The following HDAC9 variants were observed in gnomAD, a reference collection of about 807,000 sequenced individuals.
HDAC9 encodes histone deacetylase 9.
HDAC9 carries 41 observed loss-of-function variants against 139.4 expected under a neutral mutation model. That is an observed-to-expected ratio of 0.29 (90% CI 0.23 to 0.38). HDAC9 has a LOEUF of 0.38. Among genes scored for constraint, HDAC9 ranks in the 10% least tolerant of loss-of-function variants. The pLI is 1.00. For synonymous variants in HDAC9, 517 were observed against 476.2 expected (o/e 1.09, Z -1.12); for missense variants, 1,147 against 1,297.0 (o/e 0.88, Z 1.78).
chr7:18,712,810 A>C (rs1450832930), intron 12 of HDAC9, among the ~76,000 whole-genome samples: 1 of 152,236 alleles, frequency 6.6e-6, no homozygotes, highest in African/African-American at 2.4e-5. Context: ...ATGTGCATAA[A>C]TGTGCATAAT....
intron 17 of HDAC9, among the ~76,000 whole-genome samples, chr7:18,798,444 C>A (rs115050368): frequency 2.0e-5 from 3 of 152,146 alleles, no homozygotes; most frequent in Non-Finnish European, 4.4e-5. Context: ...TTTAACTCAT[C>A]GTATTTCCAT....
At chr7:18,624,300 T>C (rs1841046658) in intron 6 of HDAC9, among the ~76,000 whole-genome samples, 1 of 152,204 alleles carries the variant, frequency 6.6e-6, no homozygotes, top group Admixed American at 6.5e-5. Flanking sequence ...TCTTCAGATA[T>C]TTTCTGTTTC....
intron 2 of HDAC9, among the ~76,000 whole-genome samples, chr7:18,231,228 T>C (rs1793439379): frequency 6.6e-6 from 1 of 152,238 alleles, no homozygotes; most frequent in South Asian, 2.1e-4. Context: ...TTGTGCATTC[T>C]TCCCCAATCA....
chr7:18,673,617 C>T (rs994359126), intron 12 of HDAC9, among the ~76,000 whole-genome samples: 1 of 152,014 alleles, frequency 6.6e-6, no homozygotes, highest in African/African-American at 2.4e-5. Flanking sequence ...AAAGAATATA[C>T]ATGGTTTGCA....
intron 11 of HDAC9, among the ~76,000 whole-genome samples, chr7:18,652,625 T>A (rs1233542787): frequency 6.6e-6 from 1 of 152,106 alleles, no homozygotes; most frequent in Non-Finnish European, 1.5e-5. Flanking sequence ...TTGACAACAT[T>A]ATTCTTTATT....
intron 2 of HDAC9, among the ~76,000 whole-genome samples, chr7:18,245,134 C>T (rs777916787): frequency 7.9e-5 from 12 of 152,180 alleles, no homozygotes; most frequent in African/African-American, 2.9e-4. Context: ...GCATGTGGGG[C>T]CAATTTGATT....
chr7:18,934,267 A>G (rs554532662), intron 22 of HDAC9, among the ~76,000 whole-genome samples: 8 of 152,110 alleles, frequency 5.3e-5, no homozygotes, highest in African/African-American at 1.9e-4. Flanking sequence ...TTTGTCCCCA[A>G]CATTCTGGCA....
intron 23 of HDAC9, chr7:18,949,737 G>A (rs1231480210): frequency 6.6e-6 from 1 of 152,058 alleles, no homozygotes; most frequent in Non-Finnish European, 1.5e-5. Flanking sequence ...GAGGGCTCAT[G>A]TCCACGTCCA....
chr7:18,313,115 C>A (rs563191914), intron 1 of HDAC9, among the ~76,000 whole-genome samples: 1 of 152,030 alleles, frequency 6.6e-6, no homozygotes, highest in Non-Finnish European at 1.5e-5. Context: ...TTCAGCTTTA[C>A]GAAGAAAACA....
At chr7:18,201,064 C>T (rs1791081717) in intron 2 of HDAC9, among the ~76,000 whole-genome samples, 1 of 152,134 alleles carries the variant, frequency 6.6e-6, no homozygotes, top group African/African-American at 2.4e-5. Context: ...GGCCCAGTTC[C>T]TTAGTTCTCA....
chr7:18,538,771 G>C (rs1217683756), intron 2 of HDAC9, among the ~76,000 whole-genome samples: 1 of 152,144 alleles, frequency 6.6e-6, no homozygotes, highest in East Asian at 1.9e-4. Flanking sequence ...GAAGAAACCT[G>C]GCAGAAACCT....
chr7:18,379,592 C>T (rs1312534011), intron 1 of HDAC9, among the ~76,000 whole-genome samples: 1 of 152,176 alleles, frequency 6.6e-6, no homozygotes, highest in Non-Finnish European at 1.5e-5. Flanking sequence ...ATTTAAAAGT[C>T]TAGTTTCACA....
chr7:18,207,363 A>C (rs1791597836), intron 2 of HDAC9, among the ~76,000 whole-genome samples: 1 of 151,946 alleles, frequency 6.6e-6, no homozygotes. Flanking sequence ...CAAGAAAATA[A>C]ATATTTTAGG....
chr7:18,898,808 G>T (rs186797902), intron 22 of HDAC9, among the ~76,000 whole-genome samples: 167 of 151,982 alleles, frequency 1.1e-3, no homozygotes, highest in Non-Finnish European at 1.2e-3. Context: ...TGATTGCATA[G>T]TGGACATTTT....
intron 2 of HDAC9, among the ~76,000 whole-genome samples, chr7:18,197,557 A>C (rs28625437): frequency 0.31 from 47,808 of 151,984 alleles, 8,094 homozygotes; most frequent in African/African-American, 0.44. Flanking sequence ...GACAGAACAG[A>C]GTTCACAGGT....
At chr7:18,347,928 A>G (rs757240212) in intron 1 of HDAC9, among the ~76,000 whole-genome samples, 1 of 152,138 alleles carries the variant, frequency 6.6e-6, no homozygotes, top group African/African-American at 2.4e-5. Context: ...TACAAAGTAG[A>G]TGATAAGTAT....
intron 1 of HDAC9, among the ~76,000 whole-genome samples, chr7:18,435,619 G>T (rs76571135): frequency 2.6e-5 from 4 of 151,328 alleles, no homozygotes; most frequent in Admixed American, 6.6e-5. Context: ...ATGTTCGGGG[G>T]TACATGTGCA....
chr7:18,586,386 C>T (rs1177094275), intron 3 of HDAC9, among the ~76,000 whole-genome samples: 6 of 151,904 alleles, frequency 3.9e-5, no homozygotes, highest in Non-Finnish European at 7.4e-5. Flanking sequence ...AGATTTACAA[C>T]AAAAATTTTA....
intron 2 of HDAC9, among the ~76,000 whole-genome samples, chr7:18,546,308 A>G (rs1448989330): frequency 1.3e-5 from 2 of 152,198 alleles, no homozygotes; most frequent in African/African-American, 4.8e-5. Context: ...TTAGAATGGG[A>G]TATATAGTCC....
Sources: allele counts gnomAD v4.1 joint callset (sites outside exome capture counted in the v4.1 genomes callset), GRCh38; gene constraint gnomAD v4.1.1; transcripts MANE v1.5; gene names NCBI Gene and HGNC (gene_info 2026-07-23, HGNC 2026-07-21).